TDP1: variants seen among roughly 807,000 people sequenced by gnomAD.
TDP1 encodes the protein tyrosyl-DNA phosphodiesterase 1, also known as tyr-DNA phosphodiesterase 1.
A neutral mutation model predicts 81.5 loss-of-function variants in TDP1; 64 were observed. The observed-to-expected ratio is 0.79, with a 90% confidence interval of 0.64 to 0.97. TDP1 has a LOEUF of 0.97. Ranked by LOEUF, TDP1 falls within the 50% of genes least tolerant of loss-of-function variation. The pLI, the probability that TDP1 is intolerant of heterozygous loss-of-function variation, is 0.00. For missense variants in TDP1, 723 were observed against 743.8 expected, an observed-to-expected ratio of 0.97 and a Z score of 0.33; for synonymous variants, 256 against 264.3, an observed-to-expected ratio of 0.97 and a Z score of 0.30.
Position 90,010,263 on chromosome 14 carries a change from A to G in TDP1, c.1542-9053A>G, listed in dbSNP as rs141693295. Among the ~76,000 whole-genome samples, 322 of 152,350 alleles carry G rather than the reference A, an allele frequency of 2.1e-3. 2 individuals are homozygous for G. The highest frequency in any genetic ancestry group is 7.3e-3 in the African/African-American group (305 of 41,582). On this transcript the variant is annotated intron_variant, in intron 14 of 16. Transcript: ENST00000335725. Reference sequence around the variant, plus strand: ...TTGGATAACTTCCTTCCTCGCCCCAAAATGGAAGAAAACAAGCAAAAATTA... The same window carrying G: ...TTGGATAACTTCCTTCCTCGCCCCAGAATGGAAGAAAACAAGCAAAAATTA...
chr14:90,011,518 A>G (rs942701387), intron 14 of TDP1, among the ~76,000 whole-genome samples: 1 of 152,236 alleles, frequency 6.6e-6, no homozygotes, highest in Non-Finnish European at 1.5e-5. Context: ...AAATGCTGAC[A>G]GTGATATGGA....
intron 14 of TDP1, among the ~76,000 whole-genome samples, chr14:90,015,823 A>G (rs1402712149): frequency 2.0e-5 from 3 of 152,128 alleles, no homozygotes; most frequent in African/African-American, 4.8e-5. Flanking sequence ...TTAGGATTTC[A>G]ACATATGAAT....
chr14:89,987,554 T>TC (rs1895705577), intron 10 of TDP1, among the ~76,000 whole-genome samples: 1 of 152,202 alleles, frequency 6.6e-6, no homozygotes. Context: ...GGTGGATACT[T>TC]CCTTACTTTC....
At chr14:90,015,616 GC>G (rs1885219444) in intron 14 of TDP1, among the ~76,000 whole-genome samples, 1 of 152,220 alleles carries the variant, frequency 6.6e-6, no homozygotes, top group Admixed American at 6.5e-5. Flanking sequence ...CAGTGTACCA[GC>G]ATGGCCAGGT....
chr14:89,997,742 T>A (rs1566889686), intron 14 of TDP1, among the ~76,000 whole-genome samples: 2 of 152,180 alleles, frequency 1.3e-5, no homozygotes, highest in Non-Finnish European at 2.9e-5. Flanking sequence ...AAGCCATCCC[T>A]CCTGGGTTGA....
chr14:90,020,203 C>T (rs917372181), intron 15 of TDP1, among the ~76,000 whole-genome samples: 7 of 152,144 alleles, frequency 4.6e-5, no homozygotes, highest in African/African-American at 9.7e-5. Flanking sequence ...GCTAGAATCA[C>T]GCTTGACCCA....
chr14:89,985,341 A>G (rs1054152640), intron 10 of TDP1, 131 bp downstream of exon 10: 31 of 628,116 alleles, frequency 4.9e-5, no homozygotes, highest in Non-Finnish European at 6.4e-5. Context: ...TACTTGATAA[A>G]TTGATAATTA....
At chr14:89,970,669 GC>G (rs1893520374) in intron 5 of TDP1, 1 of 225,226 alleles carries the variant, frequency 4.4e-6, no homozygotes, top group Non-Finnish European at 7.4e-6. Flanking sequence ...AGGCCATGTA[GC>G]CCCATTATAA....
At chr14:89,956,912 T>A (rs541706540) in intron 2 of TDP1, 112 bp downstream of exon 2, 2 of 152,330 alleles carry the variant, frequency 1.3e-5, no homozygotes, top group African/African-American at 4.8e-5. Flanking sequence ...AAAATAAATG[T>A]AAATCGGACT....
At chr14:89,975,690 A>T in intron 6 of TDP1, 91 bp from the exon 7 acceptor site, 2 of 1,267,560 alleles carry the variant, frequency 1.6e-6, no homozygotes, top group Non-Finnish European at 2.3e-6. Flanking sequence ...TTTAAAAAAA[A>T]AAGTTGACCT....
chr14:89,983,822 C>G (rs1895265815), intron 8 of TDP1, among the ~76,000 whole-genome samples: 1 of 152,060 alleles, frequency 6.6e-6, no homozygotes, highest in South Asian at 2.1e-4. Flanking sequence ...TTGTTTTCCT[C>G]TAGGGAAAAA....
chr14:89,974,225 A>G lies in TDP1; in HGVS notation c.757-1556A>G, dbSNP rs565108207. 2.8e-3 allele frequency among the ~76,000 whole-genome samples: 422 copies of G among 152,320 alleles called. 1 individual carries two copies. The highest frequency in any genetic ancestry group is 4.1e-3 in the Non-Finnish European group (276 of 68,028). On this transcript the variant is annotated intron_variant, in intron 6 of 16. Coordinates refer to ENST00000335725, the MANE Select transcript of TDP1 (RefSeq NM_018319.4). ...ACTAAAGGACTTGGTGCACTAGCCC[A>G]AAAACAGCACCCAGTAAACAATATC...
Position 89,988,937 on chromosome 14 carries a change from C to CAT in TDP1, c.1164_1165insAT (p.Ala389MetfsTer8). The stretch of plus-strand genomic sequence containing the variant: ...AAGACCATGCCTCATCCATGCCTAA[C>CAT]GCAGAGTCCTGGCCTGTCGTAGGTC... On this transcript the variant is annotated frameshift_variant, in exon 11 of 17. Coordinates refer to ENST00000335725, the MANE Select transcript of TDP1 (RefSeq NM_018319.4). LOFTEE classifies it high-confidence loss of function. 6.2e-7 allele frequency: 1 copy of CAT among 1,614,178 alleles called. No individual in the cohort carries two copies. Among genetic ancestry groups the CAT allele is most frequent in the Non-Finnish European group, 8.5e-7 (1 of 1,180,020 alleles).
At chr14:90,032,628 G>T (rs1350352002) in intron 15 of TDP1, 5 of 575,932 alleles carry the variant, frequency 8.7e-6, no homozygotes, top group East Asian at 1.4e-4. Flanking sequence ...AGGTCTTAAA[G>T]AATTTTCATT....
At chr14:90,038,110 G>T (rs1297380345) in intron 16 of TDP1, among the ~76,000 whole-genome samples, 1 of 152,204 alleles carries the variant, frequency 6.6e-6, no homozygotes, top group Non-Finnish European at 1.5e-5. Flanking sequence ...GATTACTGAT[G>T]ATGTTAACTT....
chr14:89,991,758 C>T (rs928735639), intron 12 of TDP1, 159 bp from the exon 13 acceptor site: 1 of 766,224 alleles, frequency 1.3e-6, no homozygotes, highest in African/African-American at 1.9e-5. Context: ...TCTAGTGCAA[C>T]TATAGACATT....
At chr14:89,989,642 C>A in intron 11 of TDP1, 75 bp from the exon 12 acceptor site, 1 of 1,287,930 alleles carries the variant, frequency 7.8e-7, no homozygotes, top group Non-Finnish European at 1.1e-6. Context: ...ATTTTCATTT[C>A]CTTAAAAGCT....
At chr14:90,034,556 GCC>G (rs1421180240) in intron 16 of TDP1, among the ~76,000 whole-genome samples, 1 of 152,168 alleles carries the variant, frequency 6.6e-6, no homozygotes, top group Non-Finnish European at 1.5e-5. Context: ...GCTTTTATCA[GCC>G]CTGAGAATAT....
At chr14:90,006,931 C>T (rs1465177931) in intron 14 of TDP1, among the ~76,000 whole-genome samples, 1 of 152,214 alleles carries the variant, frequency 6.6e-6, no homozygotes, top group Non-Finnish European at 1.5e-5. Context: ...AACTCTCTAT[C>T]TGCCTTGGCC....
Sources: gnomAD v4.1 joint callset for allele counts (sites outside exome capture counted in the v4.1 genomes callset) on GRCh38, gnomAD v4.1.1 for gene constraint, MANE v1.5 for transcripts, NCBI Gene and HGNC (gene_info 2026-07-23, HGNC 2026-07-21) for gene names.